PCDH15: variants seen among roughly 807,000 people sequenced by gnomAD.
PCDH15 encodes protocadherin-15.
A neutral mutation model predicts 178.5 loss-of-function variants in PCDH15; 129 were observed. The ratio of observed to expected loss-of-function variants is 0.72; its 90% confidence interval spans 0.63 to 0.84. The LOEUF (loss-of-function observed/expected upper bound fraction) is 0.84, where lower values mean the gene tolerates loss of function less well. Among genes scored for constraint, PCDH15 ranks in the 40% least tolerant of loss-of-function variants. The probability of loss-of-function intolerance (pLI) is 0.00; values close to 1 mark genes in which losing one functional copy is unlikely to be tolerated. For missense variants in PCDH15, 2,230 were observed against 2,099.9 expected, an observed-to-expected ratio of 1.06 and a Z score of -1.21; for synonymous variants, 800 against 732.0, an observed-to-expected ratio of 1.09 and a Z score of -1.50.
intron 2 of PCDH15, among the ~76,000 whole-genome samples, chr10:54,918,717 A>C (rs192756113): frequency 5.3e-5 from 8 of 152,322 alleles, no homozygotes; most frequent in Admixed American, 4.6e-4. Context: ...AAGTCAAAAC[A>C]AATAAAAATA....
At chr10:54,524,467 A>G (rs766871581) in intron 3 of PCDH15, among the ~76,000 whole-genome samples, 17 of 152,170 alleles carry the variant, frequency 1.1e-4, no homozygotes, top group Non-Finnish European at 1.2e-4. Context: ...AGTATGTTTA[A>G]TGTCAATCTA....
intron 1 of PCDH15, among the ~76,000 whole-genome samples, chr10:54,782,416 C>T (rs925649371): frequency 6.6e-6 from 1 of 152,024 alleles, no homozygotes; most frequent in African/African-American, 2.4e-5. Context: ...AAAATCAATG[C>T]TATTGTTTTC....
chr10:54,998,045 A>G (rs1361524077), intron 2 of PCDH15, among the ~76,000 whole-genome samples: 1 of 152,174 alleles, frequency 6.6e-6, no homozygotes, highest in Non-Finnish European at 1.5e-5. Flanking sequence ...GGTACTTAGA[A>G]TAAGAATTCT....
chr10:55,348,208 A>T (rs866114576), intron 2 of PCDH15, among the ~76,000 whole-genome samples: 1 of 152,180 alleles, frequency 6.6e-6, no homozygotes, highest in Admixed American at 6.6e-5. Context: ...TAAAAAATAC[A>T]AAATATAATT....
At chr10:55,290,790 T>C (rs766200452) in intron 1 of PCDH15, among the ~76,000 whole-genome samples, 1 of 151,850 alleles carries the variant, frequency 6.6e-6, no homozygotes, top group Admixed American at 6.6e-5. Flanking sequence ...ATGAAAAATA[T>C]AGAACAAATA....
At chr10:54,325,977 A>G (rs555468000) in intron 7 of PCDH15, among the ~76,000 whole-genome samples, 40 of 152,324 alleles carry the variant, frequency 2.6e-4, no homozygotes, top group African/African-American at 9.1e-4. Flanking sequence ...CATTTTAGAT[A>G]TATGGATATC....
At chr10:54,556,645 AG>A (rs2133280840) in intron 2 of PCDH15, among the ~76,000 whole-genome samples, 1 of 136,820 alleles carries the variant, frequency 7.3e-6, no homozygotes, top group East Asian at 2.3e-4. Context: ...TTTCGGCTGT[AG>A]GGGGTGAATT....
At chr10:54,997,671 T>A (rs1400496144) in intron 2 of PCDH15, among the ~76,000 whole-genome samples, 4 of 152,294 alleles carry the variant, frequency 2.6e-5, no homozygotes, top group South Asian at 4.1e-4. Flanking sequence ...GGCAAAATAA[T>A]CCATGTATTT....
At chr10:55,357,310 A>T (rs149131173) in intron 2 of PCDH15, among the ~76,000 whole-genome samples, 87 of 152,088 alleles carry the variant, frequency 5.7e-4, no homozygotes, top group African/African-American at 1.9e-3. Context: ...ATAAGATTCT[A>T]GAATAAAACA....
At chr10:54,882,874 C>T (rs1178762422) in intron 3 of PCDH15, among the ~76,000 whole-genome samples, 7 of 152,104 alleles carry the variant, frequency 4.6e-5, no homozygotes, top group Non-Finnish European at 7.4e-5. Context: ...GATGTACTGT[C>T]GCCATAGCCA....
chr10:54,133,343 T>A (rs2042608068), intron 14 of PCDH15, among the ~76,000 whole-genome samples: 2 of 152,194 alleles, frequency 1.3e-5, no homozygotes, highest in South Asian at 2.1e-4. Flanking sequence ...GCAAAATCAT[T>A]CTATAAACAT....
chr10:54,470,677 G>A (rs1043577318), intron 3 of PCDH15, among the ~76,000 whole-genome samples: 1 of 152,094 alleles, frequency 6.6e-6, no homozygotes, highest in African/African-American at 2.4e-5. Flanking sequence ...TGGACCACTG[G>A]GGAGCATTTG....
rs75649094 is a variant in PCDH15, at chr10:55,234,112, G to A, written c.-155-67461C>T. Among the ~76,000 whole-genome samples the A allele has an allele frequency of 4.2e-3, 645 of 151,994 alleles. 5 individuals carry two copies. Among genetic ancestry groups the A allele is most frequent in the African/African-American group, 0.015 (610 of 41,414 alleles). ...ATATACACCCTTCCCCTCTTGACAC[G>A]CACACCCATTAACCCACATATACAC... On this transcript the variant is annotated intron_variant, in intron 1 of 5. Transcript: ENST00000458638.
At chr10:54,650,004 A>G (rs974564387) in intron 2 of PCDH15, among the ~76,000 whole-genome samples, 1 of 152,124 alleles carries the variant, frequency 6.6e-6, no homozygotes. Context: ...CCAAGTCCTG[A>G]GGAAAATATA....
At chr10:54,963,960 G>A (rs1270237006) in intron 2 of PCDH15, among the ~76,000 whole-genome samples, 4 of 152,094 alleles carry the variant, frequency 2.6e-5, no homozygotes, top group Non-Finnish European at 4.4e-5. Flanking sequence ...TCCTGAAGAG[G>A]CTAAAACTAG....
chr10:54,442,175 C>T (rs980288063), intron 3 of PCDH15, among the ~76,000 whole-genome samples: 3 of 150,798 alleles, frequency 2.0e-5, no homozygotes, highest in Non-Finnish European at 4.4e-5. Flanking sequence ...CCTACAGCAA[C>T]TTCTGGGAGG....
At chr10:54,170,411 G>C (rs1207625328) in intron 13 of PCDH15, among the ~76,000 whole-genome samples, 116 of 151,220 alleles carry the variant, frequency 7.7e-4, no homozygotes, top group African/African-American at 2.5e-3. Context: ...TGCAGTGGCT[G>C]CCACTGCATT....
At chr10:54,553,254 C>A (rs1299619708) in intron 2 of PCDH15, among the ~76,000 whole-genome samples, 1 of 152,074 alleles carries the variant, frequency 6.6e-6, no homozygotes. Context: ...AGCTGAGATC[C>A]CCTCTCTGAT....
chr10:54,104,488 G>A (rs545615907), intron 15 of PCDH15, among the ~76,000 whole-genome samples: 14 of 152,184 alleles, frequency 9.2e-5, no homozygotes, highest in Non-Finnish European at 1.3e-4. Context: ...ACTCTCACTC[G>A]GGAAAATCTT....
Sources: gnomAD v4.1 joint callset for allele counts (sites outside exome capture counted in the v4.1 genomes callset) on GRCh38, gnomAD v4.1.1 for gene constraint, MANE v1.5 for transcripts, NCBI Gene and HGNC (gene_info 2026-07-23, HGNC 2026-07-21) for gene names.